GNG2: variants seen among roughly 807,000 people sequenced by gnomAD.
The protein encoded by GNG2 is guanine nucleotide-binding protein G(I)/G(S)/G(O) subunit gamma-2.
GNG2 carries 5 observed loss-of-function variants against 5.5 expected under a neutral mutation model. The observed-to-expected ratio is 0.91, with a 90% confidence interval of 0.48 to 1.92. The LOEUF is 1.92. Ranked by LOEUF, GNG2 falls within the 30% of genes most tolerant of loss-of-function variation. The probability of loss-of-function intolerance (pLI) is 0.01; values close to 1 mark genes in which losing one functional copy is unlikely to be tolerated. For synonymous variants in GNG2, 28 were observed against 32.0 expected, an observed-to-expected ratio of 0.88 and a Z score of 0.42; for missense variants, 55 against 88.4, an observed-to-expected ratio of 0.62 and a Z score of 1.52.
intron 2 of GNG2, among the ~76,000 whole-genome samples, chr14:51,919,515 C>A (rs1028152789): frequency 6.6e-6 from 1 of 152,130 alleles, no homozygotes; most frequent in Non-Finnish European, 1.5e-5. Flanking sequence ...CTATGAGTTA[C>A]CCTCAGAATT....
intron 2 of GNG2, among the ~76,000 whole-genome samples, chr14:51,931,925 C>G (rs557468724): frequency 2.0e-5 from 3 of 152,210 alleles, no homozygotes; most frequent in Non-Finnish European, 4.4e-5. Flanking sequence ...GAGGTGGAAC[C>G]AACCCAAATG....
At chr14:51,937,094 T>C (rs2140256633) in intron 2 of GNG2, among the ~76,000 whole-genome samples, 1 of 152,316 alleles carries the variant, frequency 6.6e-6, no homozygotes, top group South Asian at 2.1e-4. Context: ...TGTCCCTTTA[T>C]CTTTAATGTC....
intron 2 of GNG2, among the ~76,000 whole-genome samples, chr14:51,838,278 T>G (rs1215248061): frequency 3.9e-5 from 6 of 152,064 alleles, no homozygotes; most frequent in Admixed American, 2.6e-4. Context: ...ACCCCATCTC[T>G]ACTAAAAATC....
intron 2 of GNG2, among the ~76,000 whole-genome samples, chr14:51,932,628 A>G (rs1050711453): frequency 2.0e-5 from 3 of 152,150 alleles, no homozygotes; most frequent in Non-Finnish European, 4.4e-5. Flanking sequence ...TGTCTCTAAA[A>G]TAAATTAATA....
intron 2 of GNG2, among the ~76,000 whole-genome samples, chr14:51,832,247 C>A (rs1881217393): frequency 6.6e-6 from 1 of 150,990 alleles, no homozygotes; most frequent in Admixed American, 6.6e-5. Flanking sequence ...GCCACTGACA[C>A]TCCAGCCTAG....
chr14:51,923,265 T>A (rs1176031528), intron 2 of GNG2, among the ~76,000 whole-genome samples: 1 of 152,130 alleles, frequency 6.6e-6, no homozygotes, highest in Non-Finnish European at 1.5e-5. Flanking sequence ...TCAAAGAGGA[T>A]TCCCTTTTGG....
intron 2 of GNG2, among the ~76,000 whole-genome samples, chr14:51,901,715 G>A (rs1402578551): frequency 6.6e-6 from 1 of 151,536 alleles, no homozygotes; most frequent in Non-Finnish European, 1.5e-5. Context: ...TGGCATTGGT[G>A]GCAGTGTTTT....
At chr14:51,958,674 G>A (rs2140298524) in intron 3 of GNG2, among the ~76,000 whole-genome samples, 1 of 152,190 alleles carries the variant, frequency 6.6e-6, no homozygotes, top group South Asian at 2.1e-4. Flanking sequence ...TCCCCACATG[G>A]ATGCCTTGCA....
chr14:51,931,638 G>A (rs1458086116), intron 2 of GNG2, among the ~76,000 whole-genome samples: 1 of 152,042 alleles, frequency 6.6e-6, no homozygotes, highest in Non-Finnish European at 1.5e-5. Context: ...CAAGAAGAGA[G>A]ACTGAGAAAG....
intron 2 of GNG2, among the ~76,000 whole-genome samples, chr14:51,932,393 A>C (rs1887722918): frequency 6.6e-6 from 1 of 152,154 alleles, no homozygotes; most frequent in Non-Finnish European, 1.5e-5. Flanking sequence ...TAAGCCAGTC[A>C]GAAAAAGATA....
At position 51,833,752 on chromosome 14, in the gene GNG2, A is replaced by G. The variant is rs185596309; in HGVS notation, c.64+5945A>G. The stretch of plus-strand genomic sequence containing the variant: ...AAGCTCCTGGGAGTCCACATTCTAT[A>G]GACTATCACTCACCTGTCACTATAA... On this transcript the variant is annotated intron_variant, in intron 2 of 3. Coordinates refer to the GNG2 transcript ENST00000553432. Among the ~76,000 whole-genome samples, 19 of 152,364 alleles carry G rather than the reference A, an allele frequency of 1.2e-4. No homozygotes were observed. In the East Asian group the frequency reaches 3.7e-3, roughly 29 times the overall value.
intron 2 of GNG2, chr14:51,827,821 A>G (rs1881068729): frequency 1.5e-6 from 1 of 679,720 alleles, no homozygotes; most frequent in South Asian, 1.6e-5. Flanking sequence ...GGCTTCAACA[A>G]ATGGTGATGG....
intron 2 of GNG2, among the ~76,000 whole-genome samples, chr14:51,885,101 C>A (rs1343288572): frequency 6.6e-6 from 1 of 152,124 alleles, no homozygotes; most frequent in African/African-American, 2.4e-5. Flanking sequence ...GAATCCAGTC[C>A]ATGTGAGCCA....
chr14:51,942,595 T>TCC (rs1413000965), intron 2 of GNG2, among the ~76,000 whole-genome samples: 2 of 125,380 alleles, frequency 1.6e-5, no homozygotes, highest in South Asian at 2.5e-4. Context: ...CTTTCTTTTT[T>TCC]TTTTTTTTTT....
intron 2 of GNG2, among the ~76,000 whole-genome samples, chr14:51,891,155 G>C (rs749452465): frequency 2.2e-4 from 34 of 152,270 alleles, no homozygotes; most frequent in Non-Finnish European, 3.5e-4. Context: ...ATTAGCCTTC[G>C]TTCTCCCCGG....
intron 2 of GNG2, among the ~76,000 whole-genome samples, chr14:51,885,153 TAAA>T (rs1198067015): frequency 6.6e-6 from 1 of 152,206 alleles, no homozygotes; most frequent in African/African-American, 2.4e-5. Flanking sequence ...AAGTTGTGAC[TAAA>T]AGAGTTTTGA....
intron 2 of GNG2, among the ~76,000 whole-genome samples, chr14:51,886,135 A>G (rs892341268): frequency 2.0e-5 from 3 of 152,244 alleles, no homozygotes; most frequent in African/African-American, 7.2e-5. Flanking sequence ...GGAATACCAT[A>G]TGCAAAAAAG....
At chr14:51,916,947 T>C (rs1886681543) in intron 2 of GNG2, among the ~76,000 whole-genome samples, 1 of 152,102 alleles carries the variant, frequency 6.6e-6, no homozygotes, top group South Asian at 2.1e-4. Flanking sequence ...CTATGAGACT[T>C]AAGGAAGCAA....
intron 1 of GNG2, 96 bp downstream of exon 1, chr14:51,860,886 A>T (rs533612254): frequency 5.9e-5 from 9 of 152,388 alleles, no homozygotes; most frequent in African/African-American, 2.2e-4. Context: ...TGATAGAGAC[A>T]TCGCTTCAGG....
Sources: allele counts gnomAD v4.1 joint callset (sites outside exome capture counted in the v4.1 genomes callset), GRCh38; gene constraint gnomAD v4.1.1; transcripts MANE v1.5; gene names NCBI Gene and HGNC (gene_info 2026-07-23, HGNC 2026-07-21).